Variants in MARCHF1 observed in about 807,000 individuals in gnomAD.
The protein encoded by MARCHF1 is E3 ubiquitin-protein ligase MARCHF1.
MARCHF1 carries 40 observed loss-of-function variants against 54.2 expected under a neutral mutation model. The observed-to-expected ratio is 0.74, with a 90% CI of 0.57 to 0.96. The LOEUF (loss-of-function observed/expected upper bound fraction) is 0.96. Among genes scored for constraint, MARCHF1 ranks in the 40% least tolerant of loss-of-function variants. MARCHF1 has a pLI of 0.00. For synonymous variants in MARCHF1, 236 were observed against 236.3 expected (o/e 1.00, Z 0.01); for missense variants, 586 against 656.5 (o/e 0.89, Z 1.17).
intron 4 of MARCHF1, among the ~76,000 whole-genome samples, chr4:163,759,716 T>G (rs951262134): frequency 1.3e-5 from 2 of 152,198 alleles, no homozygotes; most frequent in African/African-American, 4.8e-5. Context: ...TTCTTCTTTT[T>G]TAAAAGACTT....
chr4:164,327,501 G>A (rs1236578184), intron 1 of MARCHF1, among the ~76,000 whole-genome samples: 2 of 152,152 alleles, frequency 1.3e-5, no homozygotes, highest in African/African-American at 4.8e-5. Context: ...TCAGTGAAAT[G>A]ACACAGGAAA....
intron 5 of MARCHF1, among the ~76,000 whole-genome samples, chr4:163,625,033 T>C (rs937450302): frequency 2.0e-5 from 3 of 152,214 alleles, no homozygotes; most frequent in Non-Finnish European, 4.4e-5. Flanking sequence ...CCCTATATTC[T>C]GGAACCCATC....
At chr4:164,190,255 A>C in intron 1 of MARCHF1, 1 of 1,142,860 alleles carries the variant, frequency 8.7e-7, no homozygotes, top group Admixed American at 2.0e-5. Flanking sequence ...GAAATTGTTC[A>C]GCCACTTATC....
At chr4:163,553,849 A>G (rs1163392068) in intron 8 of MARCHF1, among the ~76,000 whole-genome samples, 2 of 152,190 alleles carry the variant, frequency 1.3e-5, no homozygotes, top group East Asian at 3.8e-4. Flanking sequence ...GTCTGACTAG[A>G]AAGGTCCCGC....
At chr4:164,105,864 C>T (rs1579538975) in intron 2 of MARCHF1, among the ~76,000 whole-genome samples, 1 of 146,514 alleles carries the variant, frequency 6.8e-6, no homozygotes, top group African/African-American at 2.6e-5. Context: ...GCAACCTACT[C>T]ATCTGACAAA....
intron 4 of MARCHF1, among the ~76,000 whole-genome samples, chr4:163,719,751 T>C (rs1745384104): frequency 6.6e-6 from 1 of 152,138 alleles, no homozygotes; most frequent in Non-Finnish European, 1.5e-5. Flanking sequence ...TATCTCATTG[T>C]GGTTTTGATT....
intron 1 of MARCHF1, among the ~76,000 whole-genome samples, chr4:164,133,199 A>G (rs538610066): frequency 1.3e-5 from 2 of 152,168 alleles, no homozygotes; most frequent in African/African-American, 4.8e-5. Flanking sequence ...CAGAATGCGT[A>G]TATTCTAGGG....
chr4:163,533,291 C>A (rs556673615), intron 9 of MARCHF1, among the ~76,000 whole-genome samples: 1 of 151,912 alleles, frequency 6.6e-6, no homozygotes, highest in Non-Finnish European at 1.5e-5. Flanking sequence ...ATGTGACATT[C>A]TAGAAAAGGC....
chr4:164,155,617 G>A lies in MARCHF1; in HGVS notation c.-322-43955C>T, dbSNP rs183322157. On this transcript the variant is annotated intron_variant, in intron 1 of 9. Coordinates refer to ENST00000514618, the MANE Select transcript of MARCHF1 (RefSeq NM_001394959.1). ...ATACCACATGTTCTCACTTACAAGT[G>A]GGAGCTAAATAATGTATACATTGAC... Among the ~76,000 whole-genome samples the A allele has an allele frequency of 2.0e-4, 30 of 152,198 alleles. No individual in the cohort carries two copies. In the East Asian group the frequency reaches 5.4e-3, roughly 27 times the overall value.
At chr4:164,271,229 T>C (rs962331477) in intron 1 of MARCHF1, among the ~76,000 whole-genome samples, 11 of 152,150 alleles carry the variant, frequency 7.2e-5, no homozygotes, top group Non-Finnish European at 1.5e-4. Context: ...GAAAGGCTTA[T>C]CAGATGTGAT....
chr4:164,287,123 CATTT>C (rs1394626491), intron 1 of MARCHF1, among the ~76,000 whole-genome samples: 12 of 147,800 alleles, frequency 8.1e-5, no homozygotes, highest in South Asian at 6.3e-4. Context: ...AATATGTAAA[CATTT>C]ATATATAACT....
intron 4 of MARCHF1, among the ~76,000 whole-genome samples, chr4:163,745,910 G>A (rs1038602056): frequency 6.6e-6 from 1 of 151,912 alleles, no homozygotes; most frequent in Middle Eastern, 3.2e-3. Flanking sequence ...AAAGCACACA[G>A]ATTTCCCATA....
chr4:163,852,904 G>C (rs1749679070), intron 4 of MARCHF1, among the ~76,000 whole-genome samples: 1 of 152,090 alleles, frequency 6.6e-6, no homozygotes, highest in Non-Finnish European at 1.5e-5. Flanking sequence ...TCATGAGAGT[G>C]GGGCCCTCAT....
intron 4 of MARCHF1, among the ~76,000 whole-genome samples, chr4:163,759,111 T>C (rs1380254329): frequency 6.6e-6 from 1 of 152,022 alleles, no homozygotes; most frequent in Non-Finnish European, 1.5e-5. Flanking sequence ...TATTCACTTT[T>C]TTTTTTCCTA....
At chr4:163,922,908 C>T (rs1751461953) in intron 3 of MARCHF1, among the ~76,000 whole-genome samples, 1 of 151,866 alleles carries the variant, frequency 6.6e-6, no homozygotes, top group Admixed American at 6.6e-5. Context: ...AAAAGAATCA[C>T]CAATAAAGTA....
At chr4:164,106,195 G>C (rs4611874) in intron 2 of MARCHF1, among the ~76,000 whole-genome samples, 59,539 of 137,388 alleles carry the variant, frequency 0.43, 13,273 homozygotes, top group Non-Finnish European at 0.51. Flanking sequence ...AACCATTGTG[G>C]AAGTCAGTGT....
chr4:163,844,963 T>A (rs1749443802), intron 4 of MARCHF1, among the ~76,000 whole-genome samples: 1 of 152,178 alleles, frequency 6.6e-6, no homozygotes, highest in Non-Finnish European at 1.5e-5. Context: ...GAAAATATTC[T>A]GTATGAAGCA....
intron 4 of MARCHF1, among the ~76,000 whole-genome samples, chr4:163,813,964 TA>T (rs1748464061): frequency 6.6e-6 from 1 of 152,130 alleles, no homozygotes; most frequent in Non-Finnish European, 1.5e-5. Flanking sequence ...GCCCAGGGCA[TA>T]AAACCCCTTG....
chr4:163,743,720 A>G (rs373726368), intron 4 of MARCHF1, among the ~76,000 whole-genome samples: 1 of 152,056 alleles, frequency 6.6e-6, no homozygotes, highest in East Asian at 1.9e-4. Flanking sequence ...CTGGGACTAC[A>G]GGCGCCCGCC....
Sources: gnomAD v4.1 joint callset for allele counts (sites outside exome capture counted in the v4.1 genomes callset) on GRCh38, gnomAD v4.1.1 for gene constraint, MANE v1.5 for transcripts, NCBI Gene and HGNC (gene_info 2026-07-23, HGNC 2026-07-21) for gene names.